PRKCB: variants seen among roughly 807,000 people sequenced by gnomAD.
The protein encoded by PRKCB is protein kinase C beta type.
A neutral mutation model predicts 81.5 loss-of-function variants in PRKCB; 13 were observed. The ratio of observed to expected loss-of-function variants is 0.16; its 90% CI spans 0.10 to 0.25. PRKCB has a LOEUF of 0.25. Among genes scored for constraint, PRKCB ranks in the 10% least tolerant of loss-of-function variants. PRKCB has a pLI of 1.00. For missense variants in PRKCB, 509 were observed against 875.7 expected, an observed-to-expected ratio of 0.58 and a Z score of 5.29; for synonymous variants, 335 against 321.4, an observed-to-expected ratio of 1.04 and a Z score of -0.45.
At chr16:23,971,752 A>T (rs1964560097) in intron 2 of PRKCB, among the ~76,000 whole-genome samples, 1 of 152,090 alleles carries the variant, frequency 6.6e-6, no homozygotes, top group Non-Finnish European at 1.5e-5. Flanking sequence ...CCACAGTTAA[A>T]TGTCTTTAAT....
chr16:23,951,170 A>G (rs947625636), intron 2 of PRKCB, among the ~76,000 whole-genome samples: 1 of 152,346 alleles, frequency 6.6e-6, no homozygotes, highest in Non-Finnish European at 1.5e-5. Flanking sequence ...AAAGATGAAT[A>G]ATGAGAGCAA....
In PRKCB at chr16:24,208,883, G is replaced by A. The variant is rs376339683; in HGVS notation, c.1864-5775G>A. ...AGGCTGTGATCTGCCAGCCCTGTAA[G>A]CTGCTGATTAGCAGGGAAATCACGC... On this transcript the variant is annotated intron_variant, in intron 16 of 16. Coordinates refer to ENST00000643927, the MANE Select transcript of PRKCB (RefSeq NM_002738.7). Among the ~76,000 whole-genome samples, 7 of 152,332 alleles carry A rather than the reference G, an allele frequency of 4.6e-5. No homozygotes were observed. The East Asian group carries it at 1.4e-3, about 29-fold the overall frequency.
At chr16:24,171,055 G>A (rs974456520) in intron 10 of PRKCB, among the ~76,000 whole-genome samples, 1 of 152,134 alleles carries the variant, frequency 6.6e-6, no homozygotes, top group Admixed American at 6.5e-5. Context: ...TAGCCACTAT[G>A]TTATCTATTG....
intron 5 of PRKCB, among the ~76,000 whole-genome samples, chr16:24,042,205 G>A: frequency 6.6e-6 from 1 of 152,112 alleles, no homozygotes; most frequent in East Asian, 1.9e-4. Flanking sequence ...AAACTAGGCC[G>A]CGAGGGCCCA....
Position 24,215,960 on chromosome 16 carries a change from AT to A in PRKCB, c.*1149del. ...TGTATCTGGATCTCTGTTATGTGCC[AT>A]TTTTCTTCTAGCATCGAGATACAAT... On this transcript the variant is annotated 3_prime_UTR_variant, in exon 17 of 17. Coordinates refer to ENST00000643927, the MANE Select transcript of PRKCB (RefSeq NM_002738.7). 1 of 983,776 alleles carries A rather than the reference AT, an allele frequency of 1.0e-6. No individual in the cohort carries two copies. Among genetic ancestry groups the A allele is most frequent in the Non-Finnish European group, 1.2e-6 (1 of 829,344 alleles). 60.9% of individuals were successfully genotyped at this position (983,776 alleles called of 1,614,324 possible). A position where few individuals can be genotyped will look rare whatever the true frequency, so the allele number is the denominator to read the frequency against.
intron 10 of PRKCB, among the ~76,000 whole-genome samples, chr16:24,162,441 A>ATTTTTTTTTTTTTT (rs1567397400): frequency 8.3e-6 from 1 of 119,802 alleles, no homozygotes; most frequent in African/African-American, 3.4e-5. Flanking sequence ...AACAGAGAAG[A>ATTTTTTTTTTTTTT]CTTTTTTTTT....
intron 2 of PRKCB, among the ~76,000 whole-genome samples, chr16:23,923,753 C>A (rs1963859282): frequency 6.6e-6 from 1 of 152,052 alleles, no homozygotes; most frequent in Non-Finnish European, 1.5e-5. Context: ...ATATTGGCAT[C>A]TCCATAGTTC....
At chr16:23,850,855 C>A (rs1246675410) in intron 2 of PRKCB, among the ~76,000 whole-genome samples, 1 of 152,092 alleles carries the variant, frequency 6.6e-6, no homozygotes, top group South Asian at 2.1e-4. Context: ...TTTTAATTTG[C>A]ATTTCCCTAG....
intron 2 of PRKCB, among the ~76,000 whole-genome samples, chr16:23,978,459 A>G (rs1964652856): frequency 6.6e-6 from 1 of 152,230 alleles, no homozygotes; most frequent in Non-Finnish European, 1.5e-5. Context: ...TGCCATTTCT[A>G]TTCCAATCTG....
chr16:24,013,977 G>A (rs1420500583), intron 3 of PRKCB, among the ~76,000 whole-genome samples: 1 of 152,162 alleles, frequency 6.6e-6, no homozygotes, highest in Admixed American at 6.6e-5. Flanking sequence ...TGCTCCAGCA[G>A]CATCCTTTGC....
intron 5 of PRKCB, among the ~76,000 whole-genome samples, chr16:24,075,239 G>A (rs908261084): frequency 6.6e-6 from 1 of 152,120 alleles, no homozygotes; most frequent in African/African-American, 2.4e-5. Flanking sequence ...TTACTATACT[G>A]GACATCAAAC....
intron 15 of PRKCB, among the ~76,000 whole-genome samples, chr16:24,189,286 A>C (rs777106847): frequency 7.9e-5 from 12 of 152,162 alleles, no homozygotes; most frequent in Non-Finnish European, 1.5e-4. Context: ...CAAATGGGAA[A>C]AATAGTATAC....
chr16:24,024,884 G>A (rs1965455337), intron 3 of PRKCB, among the ~76,000 whole-genome samples: 2 of 151,866 alleles, frequency 1.3e-5, no homozygotes, highest in Admixed American at 1.3e-4. Flanking sequence ...GGAGTCATGA[G>A]GACCACAGGT....
At chr16:23,966,628 T>G (rs196009) in intron 2 of PRKCB, among the ~76,000 whole-genome samples, 1 of 151,996 alleles carries the variant, frequency 6.6e-6, no homozygotes, top group African/African-American at 2.4e-5. Context: ...TTTAAATCCC[T>G]TTAAGTTGGG....
At chr16:24,126,592 A>C (rs951156318) in intron 9 of PRKCB, among the ~76,000 whole-genome samples, 11 of 152,050 alleles carry the variant, frequency 7.2e-5, no homozygotes, top group Admixed American at 7.2e-4. Context: ...TTTGAATCAG[A>C]ATCTTACTCT....
Position 24,191,313 on chromosome 16 carries a change from T to G in PRKCB, c.1863+83T>G, listed in dbSNP as rs766181522. ...TGCCTCATGTTTTCCAAATGCTCCC[T>G]GAGGGGTAGACGTCAATGTGTCTAC... is the stretch of plus-strand genomic sequence containing the variant. On this transcript the variant is annotated intron_variant, in intron 16 of 16. Coordinates refer to ENST00000643927, the MANE Select transcript of PRKCB (RefSeq NM_002738.7). 12 of 1,520,456 alleles carry G rather than the reference T, an allele frequency of 7.9e-6. No homozygotes were observed. The South Asian group carries it at 1.2e-4, about 15-fold the overall frequency. The allele number at this position is 1,520,456 out of a possible 1,614,324, so 94.2% of individuals were successfully genotyped here. A position where few individuals can be genotyped will look rare whatever the true frequency, so the allele number is the denominator to read the frequency against.
At chr16:24,075,941 T>A (rs1291170715) in intron 5 of PRKCB, among the ~76,000 whole-genome samples, 1 of 152,220 alleles carries the variant, frequency 6.6e-6, no homozygotes, top group Non-Finnish European at 1.5e-5. Context: ...TGCATTTCTT[T>A]TTTTTTGTTT....
At chr16:24,020,158 G>A (rs547400778) in intron 3 of PRKCB, among the ~76,000 whole-genome samples, 6 of 152,174 alleles carry the variant, frequency 3.9e-5, no homozygotes, top group Admixed American at 1.3e-4. Context: ...AGAAACTGTC[G>A]GGATGAACAT....
chr16:23,867,062 C>CCT (rs1962817443), intron 2 of PRKCB, among the ~76,000 whole-genome samples: 1 of 63,736 alleles, frequency 1.6e-5, no homozygotes, highest in Non-Finnish European at 3.4e-5. Flanking sequence ...CTCTCTCTCT[C>CCT]TCTTTCTTTC....
Sources: allele counts gnomAD v4.1 joint callset (sites outside exome capture counted in the v4.1 genomes callset), GRCh38; gene constraint gnomAD v4.1.1; transcripts MANE v1.5; gene names NCBI Gene and HGNC (gene_info 2026-07-23, HGNC 2026-07-21).